PLS1: variants seen among roughly 807,000 people sequenced by gnomAD.
PLS1 encodes plastin 1, also known as plastin-1.
In PLS1, 32 loss-of-function variants were observed where a neutral mutation model predicts 73.7. That is an observed-to-expected ratio of 0.43 (90% CI 0.33 to 0.58). PLS1 has a LOEUF of 0.58. Ranked by LOEUF, PLS1 falls within the 20% of genes least tolerant of loss-of-function variation. The pLI is 0.04. For missense variants in PLS1, 633 were observed against 740.5 expected, an observed-to-expected ratio of 0.85 and a Z score of 1.68; for synonymous variants, 217 against 261.3, an observed-to-expected ratio of 0.83 and a Z score of 1.63.
intron 1 of PLS1, among the ~76,000 whole-genome samples, chr3:142,630,866 A>G (rs2036541835): frequency 6.6e-6 from 1 of 152,036 alleles, no homozygotes; most frequent in South Asian, 2.1e-4. Context: ...GCAGTCTGAT[A>G]TCAAGATGGT....
chr3:142,704,514 T>C lies in PLS1; in HGVS notation c.1557T>C (p.Asp519=). The C allele has an allele frequency of 1.3e-6, 2 of 1,596,890 alleles. No individual in the cohort carries two copies. The highest frequency in any genetic ancestry group is 1.7e-6 in the Non-Finnish European group (2 of 1,165,980). ...TTGGAGAGGGTGAAAAAGTAAATGA[T>C]GAAATTATAATTAAATGGGTCAATC... ...SDLGEGEKVN[D]EIIIKWVNQT... is the part of the protein sequence containing the mutation. The change falls in exon 14 of 16, where the codon GAT becomes GAC. Residue 519 remains aspartate (D), a synonymous_variant. Transcript: ENST00000457734.
At chr3:142,679,595 G>A (rs952455783) in intron 6 of PLS1, among the ~76,000 whole-genome samples, 12 of 152,096 alleles carry the variant, frequency 7.9e-5, no homozygotes, top group East Asian at 1.9e-4. Flanking sequence ...GATATGCGGC[G>A]TTATTTCTGA....
chr3:142,624,143 C>T (rs183643672), intron 1 of PLS1, among the ~76,000 whole-genome samples: 1 of 152,206 alleles, frequency 6.6e-6, no homozygotes, highest in East Asian at 1.9e-4. Context: ...TCTGTTTAAG[C>T]ATCTGGAGTC....
chr3:142,675,636 C>T (rs942165456), intron 4 of PLS1, among the ~76,000 whole-genome samples: 2 of 151,996 alleles, frequency 1.3e-5, no homozygotes, highest in South Asian at 4.1e-4. Context: ...CTGCCCGTCT[C>T]AGCCTCCCAA....
intron 10 of PLS1, among the ~76,000 whole-genome samples, chr3:142,692,226 A>G (rs984606775): frequency 6.6e-6 from 1 of 152,090 alleles, no homozygotes; most frequent in African/African-American, 2.4e-5. Context: ...TACTTCTAAG[A>G]TATTTGTTAT....
At chr3:142,608,253 G>A (rs2036059087) in intron 1 of PLS1, among the ~76,000 whole-genome samples, 1 of 152,220 alleles carries the variant, frequency 6.6e-6, no homozygotes, top group South Asian at 2.1e-4. Context: ...CACATTGGAA[G>A]ATGATCAAAT....
chr3:142,679,496 A>G lies in PLS1; in HGVS notation c.579+1383A>G, dbSNP rs560006071. ...CAGTTTCAGCTTTCTACATATGGCT[A>G]GCCAGTTTTCCCAGCACTATTTATT... On this transcript the variant is annotated intron_variant, in intron 6 of 15. Transcript: ENST00000457734. 2.4e-4 allele frequency among the ~76,000 whole-genome samples: 36 copies of G among 152,276 alleles called. No homozygotes were observed. The East Asian group carries it at 6.9e-3, about 29-fold the overall frequency.
intron 1 of PLS1, among the ~76,000 whole-genome samples, chr3:142,635,652 G>A (rs1341611314): frequency 6.6e-6 from 1 of 152,072 alleles, no homozygotes; most frequent in Non-Finnish European, 1.5e-5. Context: ...TGAACTCTCA[G>A]TATTGTTCAG....
intron 1 of PLS1, among the ~76,000 whole-genome samples, chr3:142,612,609 A>G (rs2108548930): frequency 6.6e-6 from 1 of 152,168 alleles, no homozygotes; most frequent in East Asian, 1.9e-4. Context: ...TTCACCAGCC[A>G]GTTGTGGTGT....
intron 1 of PLS1, among the ~76,000 whole-genome samples, chr3:142,651,244 G>C (rs1560049429): frequency 1.3e-5 from 2 of 152,110 alleles, no homozygotes; most frequent in East Asian, 3.9e-4. Flanking sequence ...TGGATCACCT[G>C]AAGTTAGGAG....
intron 1 of PLS1, among the ~76,000 whole-genome samples, chr3:142,629,011 C>A (rs576327325): frequency 6.6e-6 from 1 of 152,244 alleles, no homozygotes; most frequent in East Asian, 1.9e-4. Flanking sequence ...GAATAGTGAT[C>A]ATGTGGACTT....
In PLS1 at chr3:142,640,505, T is replaced by C. The variant is rs1284827758; in HGVS notation, c.-36-23697T>C. On this transcript the variant is annotated intron_variant, in intron 1 of 15. Coordinates refer to ENST00000457734, the MANE Select transcript of PLS1 (RefSeq NM_001145319.2). ...GTTCCTTTGACATCACTGAGTAATA[T>C]GATTGCTTATTCAGGCTGAAGGATT... Among the ~76,000 whole-genome samples the C allele has an allele frequency of 3.3e-5, 5 of 152,136 alleles. No individual in the cohort carries two copies. The South Asian group carries it at 1.0e-3, about 32-fold the overall frequency.
At chr3:142,699,039 G>C (rs182237600) in intron 12 of PLS1, among the ~76,000 whole-genome samples, 1 of 152,258 alleles carries the variant, frequency 6.6e-6, no homozygotes, top group Non-Finnish European at 1.5e-5. Context: ...CTCATAAGTG[G>C]GAGTTGAACA....
intron 6 of PLS1, among the ~76,000 whole-genome samples, chr3:142,683,800 G>A (rs1404468549): frequency 6.6e-6 from 1 of 151,396 alleles, no homozygotes; most frequent in East Asian, 1.9e-4. Flanking sequence ...GGAGGTCTGG[G>A]TGGAAATAGG....
intron 14 of PLS1, among the ~76,000 whole-genome samples, chr3:142,708,356 C>T (rs1560079981): frequency 6.6e-6 from 1 of 152,226 alleles, no homozygotes; most frequent in Non-Finnish European, 1.5e-5. Context: ...AAGCGATTCT[C>T]CTGCCTCAGC....
intron 1 of PLS1, among the ~76,000 whole-genome samples, chr3:142,626,556 G>A (rs1250642654): frequency 6.6e-6 from 1 of 152,072 alleles, no homozygotes; most frequent in African/African-American, 2.4e-5. Context: ...ATATCTCATA[G>A]TACAATATGT....
intron 1 of PLS1, among the ~76,000 whole-genome samples, chr3:142,624,456 A>C (rs1039475007): frequency 6.6e-6 from 1 of 152,188 alleles, no homozygotes; most frequent in Non-Finnish European, 1.5e-5. Flanking sequence ...TTTTCTTAGT[A>C]AAGCAGAAAA....
chr3:142,609,780 G>A (rs2036085621), intron 1 of PLS1, among the ~76,000 whole-genome samples: 2 of 152,172 alleles, frequency 1.3e-5, no homozygotes, highest in South Asian at 4.1e-4. Flanking sequence ...TGTGGATATG[G>A]TTATACCTTC....
At chr3:142,658,670 ATATTG>A (rs1424618213) in intron 1 of PLS1, among the ~76,000 whole-genome samples, 1 of 152,180 alleles carries the variant, frequency 6.6e-6, no homozygotes, top group Non-Finnish European at 1.5e-5. Flanking sequence ...AATAAATAGT[ATATTG>A]TATGTATACT....
Sources: allele counts gnomAD v4.1 joint callset (sites outside exome capture counted in the v4.1 genomes callset), GRCh38; gene constraint gnomAD v4.1.1; transcripts MANE v1.5; gene names NCBI Gene and HGNC (gene_info 2026-07-23, HGNC 2026-07-21).